ZBTB7C: variants seen among roughly 807,000 people sequenced by gnomAD.
ZBTB7C encodes zinc finger and BTB domain-containing protein 7C.
In ZBTB7C, 8 loss-of-function variants were observed where a neutral mutation model predicts 25.7. That is an observed-to-expected ratio of 0.31 (90% CI 0.18 to 0.56). The LOEUF is 0.56. Ranked by LOEUF, ZBTB7C falls within the 20% of genes least tolerant of loss-of-function variation. The pLI is 0.91. For synonymous variants in ZBTB7C, 394 were observed against 369.0 expected (o/e 1.07, Z -0.78); for missense variants, 824 against 855.2 (o/e 0.96, Z 0.46).
intron 1 of ZBTB7C, among the ~76,000 whole-genome samples, chr18:48,401,186 G>T: frequency 6.6e-6 from 1 of 152,192 alleles, no homozygotes; most frequent in Non-Finnish European, 1.5e-5. Context: ...CTGAGATAGG[G>T]TAGTCGCTTG....
At chr18:48,065,149 C>T (rs1022566598) in intron 3 of ZBTB7C, among the ~76,000 whole-genome samples, 1 of 151,782 alleles carries the variant, frequency 6.6e-6, no homozygotes, top group African/African-American at 2.4e-5. Context: ...CGAGCGCATG[C>T]GCACACAGCG....
At chr18:48,221,813 C>A (rs563185588) in intron 2 of ZBTB7C, among the ~76,000 whole-genome samples, 2 of 150,128 alleles carry the variant, frequency 1.3e-5, no homozygotes, top group South Asian at 2.1e-4. Flanking sequence ...ACTACGCTGT[C>A]CTAGTCTCCC....
At chr18:48,309,710 C>T (rs1406976516) in intron 2 of ZBTB7C, among the ~76,000 whole-genome samples, 7 of 152,210 alleles carry the variant, frequency 4.6e-5, no homozygotes, top group Non-Finnish European at 1.0e-4. Context: ...AAGGACAACC[C>T]TTTTAAGAGA....
chr18:48,315,685 A>T (rs1051606968), intron 2 of ZBTB7C, among the ~76,000 whole-genome samples: 2 of 152,156 alleles, frequency 1.3e-5, no homozygotes, highest in African/African-American at 4.8e-5. Context: ...ATGGGCGTGG[A>T]TAGATCAGCC....
chr18:48,029,344 G>T lies in ZBTB7C; in HGVS notation c.1776C>A (p.Pro592=), dbSNP rs1369125835. 12 of 1,543,712 alleles carry T rather than the reference G, an allele frequency of 7.8e-6. No homozygotes were observed. Among genetic ancestry groups the T allele is most frequent in the East Asian group, 7.3e-5 (3 of 41,082 alleles). Residue 592 remains proline, a synonymous_variant, in exon 5 of 5, where the codon CCC becomes CCA. Coordinates refer to ENST00000590800, the MANE Select transcript of ZBTB7C (RefSeq NM_001318841.2). ...VAAARPYFPL[P]DPWAAGLAGL... ...CGGCCAGGCCGGCGGCCCAAGGGTCGGGCAGCGGGAAGTAGGGCCGCGCCG... is the reference window on the plus strand; with the variant it reads ...CGGCCAGGCCGGCGGCCCAAGGGTCTGGCAGCGGGAAGTAGGGCCGCGCCG...
At chr18:48,095,590 T>A (rs1299190283) in intron 3 of ZBTB7C, among the ~76,000 whole-genome samples, 1 of 152,044 alleles carries the variant, frequency 6.6e-6, no homozygotes, top group African/African-American at 2.4e-5. Flanking sequence ...CACACCCTTG[T>A]CATCCTAGCT....
chr18:48,112,973 A>T (rs2039300694), intron 3 of ZBTB7C, among the ~76,000 whole-genome samples: 1 of 152,226 alleles, frequency 6.6e-6, no homozygotes, highest in South Asian at 2.1e-4. Context: ...GAGAAAAGTA[A>T]CACAAGTTTG....
At chr18:48,205,118 T>C (rs1205783717) in intron 2 of ZBTB7C, among the ~76,000 whole-genome samples, 2 of 151,880 alleles carry the variant, frequency 1.3e-5, no homozygotes, top group Non-Finnish European at 2.9e-5. Context: ...ATTTTCAGGG[T>C]AGCCAGGAAG....
chr18:48,061,126 A>G (rs4245248), intron 3 of ZBTB7C, among the ~76,000 whole-genome samples: 139,994 of 152,198 alleles, frequency 0.92, 64,444 homozygotes, highest in African/African-American at 0.96. Context: ...ATATTTACAG[A>G]TCATTTATAG....
chr18:48,270,399 T>C (rs537007673), intron 2 of ZBTB7C, among the ~76,000 whole-genome samples: 1 of 151,026 alleles, frequency 6.6e-6, no homozygotes. Context: ...GCCCAGCTAA[T>C]TTTTGTATTT....
rs1334401571 is a variant in ZBTB7C, at chr18:48,041,022, T to C, written c.86A>G (p.His29Arg). 1.2e-6 allele frequency: 2 copies of C among 1,613,940 alleles called. No individual in the cohort carries two copies. The highest frequency in any genetic ancestry group is 1.3e-5 in the African/African-American group (1 of 74,950). Residue 29 changes from histidine to arginine, a missense_variant, in exon 4 of 5, where the codon CAC (histidine) becomes CGC (arginine). His to Arg is a conservative substitution (Grantham distance 29). Transcript: ENST00000590800. Reference protein sequence around the residue: ...EVLCSLNEQRHDGLLCDVLLV... With the variant: ...EVLCSLNEQRRDGLLCDVLLV... ...GAGCACGTCACACAGCAGGCCATCGTGCCGTTGCTCATTGAGGCTGCACAG... is the reference window on the plus strand; with the variant it reads ...GAGCACGTCACACAGCAGGCCATCGCGCCGTTGCTCATTGAGGCTGCACAG...
chr18:48,376,109 T>C (rs1373152884), intron 1 of ZBTB7C, among the ~76,000 whole-genome samples: 1 of 152,264 alleles, frequency 6.6e-6, no homozygotes, highest in African/African-American at 2.4e-5. Context: ...ATGTGGATGC[T>C]GCTAGTCCCG....
intron 3 of ZBTB7C, among the ~76,000 whole-genome samples, chr18:48,113,058 T>G (rs1357030639): frequency 6.6e-6 from 1 of 152,228 alleles, no homozygotes; most frequent in Non-Finnish European, 1.5e-5. Flanking sequence ...CAGGAAAATC[T>G]GCCCACACAA....
intron 2 of ZBTB7C, among the ~76,000 whole-genome samples, chr18:48,260,336 TC>T (rs2044135923): frequency 1.3e-5 from 2 of 152,116 alleles, no homozygotes; most frequent in Admixed American, 6.5e-5. Flanking sequence ...AGCATTCCCT[TC>T]CCCCTGGGCA....
intron 1 of ZBTB7C, among the ~76,000 whole-genome samples, chr18:48,407,667 A>G (rs550649719): frequency 1.3e-5 from 2 of 152,322 alleles, no homozygotes; most frequent in South Asian, 4.1e-4. Context: ...CTCATCTGTA[A>G]AATGAGTGCT....
chr18:48,322,082 C>G (rs947011332), intron 2 of ZBTB7C, among the ~76,000 whole-genome samples: 1 of 152,226 alleles, frequency 6.6e-6, no homozygotes, highest in Non-Finnish European at 1.5e-5. Context: ...TAGCCCCAAA[C>G]AAGAGAGGCC....
intron 2 of ZBTB7C, among the ~76,000 whole-genome samples, chr18:48,303,611 TAGA>T (rs1466782424): frequency 6.6e-6 from 1 of 152,112 alleles, no homozygotes. Context: ...GAGAAAAGCT[TAGA>T]AGAAGGTTGG....
At chr18:48,237,647 T>C (rs1599163091) in intron 2 of ZBTB7C, among the ~76,000 whole-genome samples, 1 of 147,424 alleles carries the variant, frequency 6.8e-6, no homozygotes, top group Admixed American at 7.0e-5. Context: ...TAGTTTGATA[T>C]GACCACTTTG....
intron 2 of ZBTB7C, among the ~76,000 whole-genome samples, chr18:48,227,245 T>C (rs1113629): frequency 0.3 from 45,479 of 152,022 alleles, 7,345 homozygotes; most frequent in African/African-American, 0.37. Flanking sequence ...ATGAAAAAGA[T>C]GCCACTGTGT....
Sources: allele counts gnomAD v4.1 joint callset (sites outside exome capture counted in the v4.1 genomes callset), GRCh38; gene constraint gnomAD v4.1.1; transcripts MANE v1.5; gene names NCBI Gene and HGNC (gene_info 2026-07-23, HGNC 2026-07-21).